AP1M1: variants seen among roughly 807,000 people sequenced by gnomAD.
AP1M1 encodes the protein adaptor related protein complex 1 subunit mu 1.
In AP1M1, 18 loss-of-function variants were observed where a neutral mutation model predicts 57.1. The observed-to-expected ratio is 0.32, with a 90% CI of 0.22 to 0.47. The LOEUF (loss-of-function observed/expected upper bound fraction) is 0.47. Among genes scored for constraint, AP1M1 ranks in the 20% least tolerant of loss-of-function variants. The pLI, the probability that AP1M1 is intolerant of heterozygous loss-of-function variation, is 1.00. For missense variants in AP1M1, 362 were observed against 593.5 expected (o/e 0.61, Z 4.05); for synonymous variants, 241 against 237.9 (o/e 1.01, Z -0.12).
intron 5 of AP1M1, among the ~76,000 whole-genome samples, chr19:16,214,888 A>G (rs529143038): frequency 6.6e-6 from 1 of 151,982 alleles, no homozygotes; most frequent in South Asian, 2.1e-4. Flanking sequence ...GGCTGGGACT[A>G]TAGGCAGGTA....
intron 5 of AP1M1, among the ~76,000 whole-genome samples, chr19:16,216,409 C>T (rs940549294): frequency 1.3e-5 from 2 of 151,942 alleles, no homozygotes; most frequent in African/African-American, 4.8e-5. Context: ...TGCACCACTG[C>T]CCTCCAGCCT....
chr19:16,227,799 G>A lies in AP1M1; in HGVS notation c.816+109G>A. ...GGGCCAGCCCCACCCCACGCTCCAT[G>A]AGCTGCCTGGCTCTGCAGAGATGGA... is the stretch of plus-strand genomic sequence containing the variant. On this transcript the variant is annotated intron_variant, in intron 7 of 11. Transcript: ENST00000291439. The surrounding 1 kb of genome is among the most constrained non-coding windows in gnomAD (Gnocchi z 6.2). The A allele has an allele frequency of 2.0e-5, 28 of 1,368,628 alleles. No homozygotes were observed. Among genetic ancestry groups the A allele is most frequent in the Non-Finnish European group, 2.8e-5 (28 of 990,684 alleles). 84.8% of individuals were successfully genotyped at this position (1,368,628 alleles called of 1,614,324 possible).
At chr19:16,219,235 G>C (rs2091531829) in intron 5 of AP1M1, among the ~76,000 whole-genome samples, 1 of 151,982 alleles carries the variant, frequency 6.6e-6, no homozygotes, top group Non-Finnish European at 1.5e-5. Context: ...AAATCCCATT[G>C]GTCATAGTGT....
In AP1M1 at chr19:16,206,638, G is replaced by T; in HGVS notation, c.267+230G>T. The T allele has an allele frequency of 1.7e-6, 1 of 574,588 alleles. No homozygotes were observed. The highest frequency in any genetic ancestry group is 1.9e-5 in the South Asian group (1 of 53,634). The allele number at this position is 574,588 out of a possible 1,614,324, so 35.6% of individuals were successfully genotyped here. On this transcript the variant is annotated intron_variant, in intron 3 of 11. Transcript: ENST00000291439. The surrounding 1 kb of genome is among the most constrained non-coding windows in gnomAD (Gnocchi z 4.3). Reference sequence around the variant, plus strand: ...AAGAAAGGAAAGTGAACAGGAAAAGGTAGGGCTCAGAGCAGGGGTGCCCTG... The same window carrying T: ...AAGAAAGGAAAGTGAACAGGAAAAGTTAGGGCTCAGAGCAGGGGTGCCCTG...
chr19:16,205,664 C>T (rs558730461), intron 2 of AP1M1, among the ~76,000 whole-genome samples: 6 of 152,112 alleles, frequency 3.9e-5, no homozygotes, highest in African/African-American at 2.4e-5. Context: ...TCTGGCGGCC[C>T]GGGGACCCAT....
At position 16,226,443 on chromosome 19, in the gene AP1M1, T is replaced by C; in HGVS notation, c.569T>C (p.Leu190Pro). The change falls in exon 6 of 12, where the codon CTG (leucine) becomes CCG (proline). Residue 190 changes from leucine to proline, a missense_variant. Leu to Pro is a moderately conservative substitution (Grantham distance 98, BLOSUM62 -3). Transcript: ENST00000291439. ...NLLVSANGNVLRSEIVGSIKM... is the reference protein window; with the variant it reads ...NLLVSANGNVPRSEIVGSIKM... ...CAGGTCAGCGCCAACGGCAATGTCC[T>C]GCGCAGCGAGATCGTGGGCTCCATC... The C allele has an allele frequency of 1.9e-6, 3 of 1,561,200 alleles. No homozygotes were observed. Among genetic ancestry groups the C allele is most frequent in the Non-Finnish European group, 2.6e-6 (3 of 1,154,722 alleles).
At chr19:16,220,799 C>T (rs1206843766) in intron 5 of AP1M1, among the ~76,000 whole-genome samples, 1 of 152,224 alleles carries the variant, frequency 6.6e-6, no homozygotes, top group Non-Finnish European at 1.5e-5. Context: ...TCCCTAAAGG[C>T]TATTTTCACT....
Position 16,236,624 on chromosome 19 carries a change from C to G in AP1M1, c.*2189C>G, listed in dbSNP as rs765199645. On this transcript the variant is annotated 3_prime_UTR_variant, in exon 12 of 12. Coordinates refer to ENST00000291439, the MANE Select transcript of AP1M1 (RefSeq NM_032493.4). ...AGATGGACTAGAAAAAACATTTGCC[C>G]TCCACCCCTGAGAATAAGCACTGTG... 2 of 152,186 alleles carry G rather than the reference C, an allele frequency of 1.3e-5. No homozygotes were observed. The highest frequency in any genetic ancestry group is 2.9e-5 in the Non-Finnish European group (2 of 68,038). The allele number at this position is 152,186 out of a possible 1,614,324, so 9.4% of individuals were successfully genotyped here.
intron 5 of AP1M1, among the ~76,000 whole-genome samples, chr19:16,224,106 T>C (rs1310434734): frequency 6.6e-6 from 1 of 152,182 alleles, no homozygotes; most frequent in Non-Finnish European, 1.5e-5. Flanking sequence ...CCAAGGAGAG[T>C]GCTGCCCAGA....
intron 5 of AP1M1, among the ~76,000 whole-genome samples, chr19:16,215,903 T>C (rs891618472): frequency 2.0e-5 from 3 of 152,188 alleles, no homozygotes; most frequent in South Asian, 2.1e-4. Flanking sequence ...GACTGTCTTA[T>C]TTCAGAAAGC....
rs573773217 is a variant in AP1M1, at chr19:16,238,036, C to T, written c.*3601C>T. The T allele has an allele frequency of 2.9e-4, 44 of 152,148 alleles. No homozygotes were observed. The highest frequency in any genetic ancestry group is 9.9e-4 in the African/African-American group (41 of 41,514). 9.4% of individuals were successfully genotyped at this position (152,148 alleles called of 1,614,324 possible). ...CATATTTTTTATAGAGATGGGGTCTCGTCATTTTGTCCACACTGGTCTCCA... is the reference window on the plus strand; with the variant it reads ...CATATTTTTTATAGAGATGGGGTCTTGTCATTTTGTCCACACTGGTCTCCA... On this transcript the variant is annotated 3_prime_UTR_variant, in exon 12 of 12. Transcript: ENST00000291439.
At position 16,227,695 on chromosome 19, in the gene AP1M1, G is replaced by C. The variant is rs2091577200; in HGVS notation, c.816+5G>C. The C allele has an allele frequency of 6.2e-7, 1 of 1,612,650 alleles. No homozygotes were observed. The highest frequency in any genetic ancestry group is 8.5e-7 in the Non-Finnish European group (1 of 1,179,242). ...TCCTACCGTCTCAACACCCACGTGA[G>C]TGCGCCACCCTGGGGCTGGGCTGTC... is the stretch of plus-strand genomic sequence containing the variant. On this transcript the variant is annotated splice_donor_5th_base_variant and intron_variant, in intron 7 of 11. Coordinates refer to ENST00000291439, the MANE Select transcript of AP1M1 (RefSeq NM_032493.4). The surrounding 1 kb of genome is among the most constrained non-coding windows in gnomAD (Gnocchi z 6.2).
intron 1 of AP1M1, among the ~76,000 whole-genome samples, chr19:16,201,532 G>C (rs1047380192): frequency 1.3e-5 from 2 of 150,902 alleles, no homozygotes; most frequent in Non-Finnish European, 3.0e-5. Context: ...CCAAGTAGCT[G>C]GGACTACAGG....
chr19:16,209,979 T>C (rs6512091), intron 5 of AP1M1, among the ~76,000 whole-genome samples: 100,136 of 152,062 alleles, frequency 0.66, 35,224 homozygotes, highest in Non-Finnish European at 0.8. Flanking sequence ...TGTAGCTCCA[T>C]GCTCCCCTCT....
chr19:16,199,083 C>G (rs181033546), intron 1 of AP1M1, among the ~76,000 whole-genome samples: 1 of 152,148 alleles, frequency 6.6e-6, no homozygotes, highest in South Asian at 2.1e-4. Context: ...GCTGGGATTA[C>G]AGGTGTGAGT....
chr19:16,231,128 A>T (rs2091594323), intron 9 of AP1M1, among the ~76,000 whole-genome samples: 1 of 151,824 alleles, frequency 6.6e-6, no homozygotes, highest in African/African-American at 2.4e-5. Context: ...CTCTACTAAA[A>T]ATACAAAAAA....
At chr19:16,200,687 C>T (rs2091443223) in intron 1 of AP1M1, among the ~76,000 whole-genome samples, 1 of 152,230 alleles carries the variant, frequency 6.6e-6, no homozygotes, top group South Asian at 2.1e-4. Context: ...CCACACTGGG[C>T]TGGGAGGAAG....
chr19:16,243,743 A>C lies in AP1M1; in HGVS notation c.*9308A>C, dbSNP rs1197540009. On this transcript the variant is annotated 3_prime_UTR_variant, in exon 12 of 12. Transcript: ENST00000291439. ...AATCACTTGAGCTCAGGAGTTCGAG[A>C]CCAGCCTGGCCAACATGGCGAAAAT... The C allele has an allele frequency of 6.6e-6, 1 of 151,886 alleles. No homozygotes were observed. The highest frequency in any genetic ancestry group is 6.6e-5 in the Admixed American group (1 of 15,220). 9.4% of individuals were successfully genotyped at this position (151,886 alleles called of 1,614,324 possible).
At chr19:16,205,752 C>A (rs1256087214) in intron 2 of AP1M1, among the ~76,000 whole-genome samples, 2 of 152,218 alleles carry the variant, frequency 1.3e-5, no homozygotes, top group African/African-American at 4.8e-5. Context: ...CAGAAGGGAA[C>A]ATCTGTGCCA....
Sources: allele counts gnomAD v4.1 joint callset (sites outside exome capture counted in the v4.1 genomes callset), GRCh38; gene constraint gnomAD v4.1.1; non-coding constraint Gnocchi (gnomAD v3.1); transcripts MANE v1.5; gene names NCBI Gene and HGNC (gene_info 2026-07-23, HGNC 2026-07-21).